The following DCLK1 variants were observed in gnomAD, a reference collection of about 807,000 sequenced individuals.
DCLK1 encodes the protein doublecortin like kinase 1, also known as serine/threonine-protein kinase DCLK1.
In DCLK1, 16 loss-of-function variants were observed where a neutral mutation model predicts 86.2. That is an observed-to-expected ratio of 0.19 (90% CI 0.13 to 0.28). The LOEUF (loss-of-function observed/expected upper bound fraction) is 0.28, where lower values mean the gene tolerates loss of function less well. DCLK1 is among the 10% of genes least tolerant of loss of function. DCLK1 has a pLI of 1.00. For synonymous variants in DCLK1, 369 were observed against 370.5 expected (o/e 1.00, Z 0.05); for missense variants, 590 against 940.2 (o/e 0.63, Z 4.87).
chr13:35,932,010 G>A (rs753151522), intron 4 of DCLK1, among the ~76,000 whole-genome samples: 115 of 152,212 alleles, frequency 7.6e-4, no homozygotes, highest in Non-Finnish European at 1.3e-3. Context: ...AATTGAATGC[G>A]CCACAGGGTG....
At position 36,017,399 on chromosome 13, in the gene DCLK1, C is replaced by T. The variant is rs557434345; in HGVS notation, c.724-69942G>A. On this transcript the variant is annotated intron_variant, in intron 3 of 16. Transcript: ENST00000360631. Reference sequence around the variant, plus strand: ...GTAACACAACTGGGAAAGTCCATAACCTTTGGAATTAAATAAAATCCAGTG... The same window carrying T: ...GTAACACAACTGGGAAAGTCCATAATCTTTGGAATTAAATAAAATCCAGTG... 1.1e-3 allele frequency among the ~76,000 whole-genome samples: 163 copies of T among 152,230 alleles called. 1 individual carries two copies. The highest frequency in any genetic ancestry group is 2.5e-3 in the South Asian group (12 of 4,828).
intron 6 of DCLK1, chr13:35,850,398 A>T: frequency 9.7e-7 from 1 of 1,031,868 alleles, no homozygotes; most frequent in Non-Finnish European, 1.2e-6. Context: ...CTATATTGCC[A>T]CATGGTTAGT....
At chr13:36,064,166 T>C (rs1431654093) in intron 3 of DCLK1, among the ~76,000 whole-genome samples, 1 of 152,208 alleles carries the variant, frequency 6.6e-6, no homozygotes, top group East Asian at 1.9e-4. Context: ...GAGGCATTCA[T>C]TGAATTTAAC....
intron 3 of DCLK1, among the ~76,000 whole-genome samples, chr13:35,984,246 C>A (rs1879795721): frequency 6.6e-6 from 1 of 152,174 alleles, no homozygotes; most frequent in African/African-American, 2.4e-5. Flanking sequence ...TTCACCAAGT[C>A]ATCATTAATA....
chr13:35,966,703 G>A (rs954455721), intron 3 of DCLK1, among the ~76,000 whole-genome samples: 7 of 152,000 alleles, frequency 4.6e-5, no homozygotes, highest in African/African-American at 1.7e-4. Flanking sequence ...ACGGGGTTTC[G>A]CCATGTTGGC....
intron 4 of DCLK1, among the ~76,000 whole-genome samples, chr13:35,946,445 AAAGTC>A (rs774142446): frequency 5.3e-5 from 8 of 151,742 alleles, no homozygotes; most frequent in South Asian, 4.2e-4. Flanking sequence ...AGAACAGGTG[AAAGTC>A]AAGTCAAGTC....
chr13:36,010,356 G>C (rs1472783525), intron 3 of DCLK1, among the ~76,000 whole-genome samples: 280 of 107,506 alleles, frequency 2.6e-3, no homozygotes, highest in Middle Eastern at 0.012. Flanking sequence ...GATATTGGCT[G>C]TGGGTTTGTC....
chr13:36,024,679 C>T (rs916615712), intron 3 of DCLK1, among the ~76,000 whole-genome samples: 4 of 151,932 alleles, frequency 2.6e-5, no homozygotes, highest in African/African-American at 9.7e-5. Flanking sequence ...TCTACAGATT[C>T]AACATTATCC....
At chr13:36,014,195 G>C (rs1298263266) in intron 3 of DCLK1, among the ~76,000 whole-genome samples, 1 of 152,206 alleles carries the variant, frequency 6.6e-6, no homozygotes, top group African/African-American at 2.4e-5. Flanking sequence ...GGGAGCTGTA[G>C]ACCGGAGCTG....
intron 11 of DCLK1, 120 bp downstream of exon 11, chr13:35,822,609 A>G (rs2087422301): frequency 7.1e-7 from 1 of 1,417,404 alleles, no homozygotes; most frequent in Admixed American, 2.0e-5. Context: ...CCTGAAGGCT[A>G]ACTGGAAATT....
At chr13:36,019,557 A>G (rs558748651) in intron 3 of DCLK1, among the ~76,000 whole-genome samples, 1 of 152,356 alleles carries the variant, frequency 6.6e-6, no homozygotes, top group South Asian at 2.1e-4. Flanking sequence ...CTTTGTTCAC[A>G]TCACCTCTTC....
chr13:36,045,377 T>TATATATATA (rs568110221), intron 3 of DCLK1, among the ~76,000 whole-genome samples: 5 of 125,052 alleles, frequency 4.0e-5, no homozygotes, highest in Non-Finnish European at 6.7e-5. Context: ...TATATATATA[T>TATATATATA]TTCAAGGTAA....
chr13:35,814,610 G>A (rs1445799749), intron 11 of DCLK1, among the ~76,000 whole-genome samples: 1 of 152,154 alleles, frequency 6.6e-6, no homozygotes, highest in Non-Finnish European at 1.5e-5. Flanking sequence ...CACGTGAAGT[G>A]GGAGTACATT....
chr13:35,945,472 G>C (rs1422875649), intron 4 of DCLK1, among the ~76,000 whole-genome samples: 1 of 152,160 alleles, frequency 6.6e-6, no homozygotes, highest in East Asian at 1.9e-4. Flanking sequence ...AGACCCCAGA[G>C]TTTGGAAGCT....
chr13:36,131,446 T>C, upstream of DCLK1: 9 of 162,326 alleles, frequency 5.5e-5, no homozygotes, highest in South Asian at 4.2e-4. Flanking sequence ...CCCGTCTCCC[T>C]CCTCCTCCTC....
rs550605537 is a variant in DCLK1, at chr13:35,839,809, C to T, written c.1036-633G>A. ...CCTTGTAATTTTGTTTGATTTTTGA[C>T]CCAAGATCCATGAAAGCAAACAGGG... On this transcript the variant is annotated intron_variant, in intron 6 of 16. Coordinates refer to ENST00000360631, the MANE Select transcript of DCLK1 (RefSeq NM_001330071.2). Among the ~76,000 whole-genome samples, 835 of 152,152 alleles carry T rather than the reference C, an allele frequency of 5.5e-3. 7 individuals are homozygous for T. The highest frequency in any genetic ancestry group is 0.01 in the South Asian group (50 of 4,822).
chr13:35,984,009 C>T (rs1290008774), intron 3 of DCLK1, among the ~76,000 whole-genome samples: 1 of 152,200 alleles, frequency 6.6e-6, no homozygotes, highest in Non-Finnish European at 1.5e-5. Context: ...AGCCTCCAGG[C>T]CTTCCACTAT....
chr13:35,777,099 A>G (rs1485456400), intron 16 of DCLK1, among the ~76,000 whole-genome samples: 1 of 151,924 alleles, frequency 6.6e-6, no homozygotes, highest in African/African-American at 2.4e-5. Flanking sequence ...AGATTTCCCT[A>G]CTCAGCAGCT....
intron 4 of DCLK1, among the ~76,000 whole-genome samples, 157 bp downstream of exon 4, chr13:35,947,201 A>G (rs1209303508): frequency 6.6e-6 from 1 of 152,228 alleles, no homozygotes; most frequent in Non-Finnish European, 1.5e-5. Flanking sequence ...ATATTTAAAA[A>G]AAAAATCAAA....
Sources: gnomAD v4.1 joint callset for allele counts (sites outside exome capture counted in the v4.1 genomes callset) on GRCh38, gnomAD v4.1.1 for gene constraint, MANE v1.5 for transcripts, NCBI Gene and HGNC (gene_info 2026-07-23, HGNC 2026-07-21) for gene names.